WDR37: variants seen among roughly 807,000 people sequenced by gnomAD.
WDR37 encodes the protein WD repeat domain 37.
WDR37 carries 19 observed loss-of-function variants against 62.9 expected under a neutral mutation model. The observed-to-expected ratio is 0.30, with a 90% CI of 0.21 to 0.44. The LOEUF is 0.44. WDR37 is among the 20% of genes least tolerant of loss of function. The pLI is 1.00. For synonymous variants in WDR37, 250 were observed against 260.9 expected (o/e 0.96, Z 0.40); for missense variants, 474 against 657.6 (o/e 0.72, Z 3.05).
At chr10:1,124,144 C>T in intron 11 of WDR37, 74 bp from the exon 12 acceptor site, 1 of 1,591,976 alleles carries the variant, frequency 6.3e-7, no homozygotes, top group South Asian at 1.1e-5. Flanking sequence ...CCCACTTGGT[C>T]AGGGTTGTGT....
intron 11 of WDR37, among the ~76,000 whole-genome samples, chr10:1,107,250 C>CA (rs1835053609): frequency 5.3e-5 from 8 of 152,334 alleles, no homozygotes; most frequent in African/African-American, 1.9e-4. Context: ...GCAGAGGGGC[C>CA]CCACAGCAAA....
intron 13 of WDR37, among the ~76,000 whole-genome samples, chr10:1,125,939 A>G (rs889191265): frequency 2.0e-5 from 3 of 152,220 alleles, no homozygotes; most frequent in Non-Finnish European, 4.4e-5. Flanking sequence ...AAGAGAATCG[A>G]GACTCCATGG....
rs768364049 is a variant in WDR37 at position 1,105,069 on chromosome 10, G to A, written c.962-57G>A. The A allele has an allele frequency of 3.2e-5, 51 of 1,592,592 alleles. No individual in the cohort carries two copies. The highest frequency in any genetic ancestry group is 3.3e-4 in the Middle Eastern group (2 of 6,002). On this transcript the variant is annotated intron_variant, in intron 10 of 13. Transcript: ENST00000263150. The surrounding 1 kb of genome is among the most constrained non-coding windows in gnomAD (Gnocchi z 5.3). ...TTGGGTTCTTGTGCTGTTGAAAAGC[G>A]TCTCTCTCAGCGTGCTCCTCAGGTG...
At chr10:1,093,063 A>C (rs1042791948) in intron 7 of WDR37, among the ~76,000 whole-genome samples, 2 of 151,976 alleles carry the variant, frequency 1.3e-5, no homozygotes, top group African/African-American at 4.8e-5. Flanking sequence ...GCTGGGAAGG[A>C]AGGCGGATGG....
Position 1,095,022 on chromosome 10 carries a change from CAT to C in WDR37, c.650-1147_650-1146del, listed in dbSNP as rs1244642121. 1.1e-4 allele frequency among the ~76,000 whole-genome samples: 16 copies of C among 145,782 alleles called. 1 individual carries two copies. In the East Asian group the frequency reaches 3.1e-3, roughly 28 times the overall value. On this transcript the variant is annotated intron_variant, in intron 8 of 13. Coordinates refer to ENST00000263150, the MANE Select transcript of WDR37 (RefSeq NM_014023.4). The stretch of plus-strand genomic sequence containing the variant: ...TAGCGAGGAGGGTTAGACTGGGAAA[CAT>C]GAGGTAATGGGTATAGAGAGGAGAG...
intron 7 of WDR37, among the ~76,000 whole-genome samples, chr10:1,091,216 C>A (rs146037785): frequency 6.6e-6 from 1 of 152,222 alleles, no homozygotes; most frequent in Admixed American, 6.5e-5. Flanking sequence ...GGCCCAGCTT[C>A]GTTTGTGATT....
chr10:1,085,252 G>A (rs905865351), intron 6 of WDR37, among the ~76,000 whole-genome samples: 4 of 152,138 alleles, frequency 2.6e-5, no homozygotes, highest in South Asian at 2.1e-4. Flanking sequence ...GATTACAGGC[G>A]TGAGCCATCG....
chr10:1,114,496 A>G (rs1292884429), intron 11 of WDR37, among the ~76,000 whole-genome samples: 2 of 152,238 alleles, frequency 1.3e-5, no homozygotes, highest in African/African-American at 4.8e-5. Context: ...GGTAAAATTT[A>G]TCTTACTTAA....
At chr10:1,064,591 T>TTTTTC (rs1833480893) in intron 1 of WDR37, among the ~76,000 whole-genome samples, 2 of 75,140 alleles carry the variant, frequency 2.7e-5, no homozygotes, top group African/African-American at 5.0e-5. Context: ...ATCTTTTTTT[T>TTTTTC]TTTTTTTTTT....
intron 1 of WDR37, among the ~76,000 whole-genome samples, chr10:1,065,434 A>G (rs1428185390): frequency 4.6e-5 from 7 of 152,208 alleles, no homozygotes; most frequent in Non-Finnish European, 8.8e-5. Flanking sequence ...ATAAATATGA[A>G]ATTATAAAAA....
chr10:1,125,110 C>G, intron 13 of WDR37, 86 bp downstream of exon 13: 1 of 1,513,222 alleles, frequency 6.6e-7, no homozygotes, highest in Non-Finnish European at 8.9e-7. Context: ...CTTACTAAGT[C>G]TTTGCATGCT....
rs529708897 is a variant in WDR37 at position 1,131,062 on chromosome 10, C to G, written c.*1718C>G. On this transcript the variant is annotated 3_prime_UTR_variant, in exon 14 of 14. Transcript: ENST00000263150. ...GACATTATTTCCTGACTGCACTGTT[C>G]TGAGAATGGAGTCCACCTGGTCCCT... 6.6e-6 allele frequency: 1 copy of G among 152,384 alleles called. No individual in the cohort carries two copies. Among genetic ancestry groups the G allele is most frequent in the African/African-American group, 2.4e-5 (1 of 41,568 alleles). 9.4% of individuals were successfully genotyped at this position (152,384 alleles called of 1,614,324 possible).
intron 3 of WDR37, 23 bp downstream of exon 3, chr10:1,078,026 T>C (rs1429587238): frequency 6.5e-7 from 1 of 1,543,914 alleles, no homozygotes; most frequent in Non-Finnish European, 8.9e-7. Flanking sequence ...TATTTTAATA[T>C]ACTTTTATAG....
At chr10:1,107,629 T>G (rs1161114800) in intron 11 of WDR37, among the ~76,000 whole-genome samples, 1 of 151,874 alleles carries the variant, frequency 6.6e-6, no homozygotes, top group African/African-American at 2.4e-5. Flanking sequence ...CACCGCTGTC[T>G]CTTTACACAT....
At chr10:1,073,957 A>G (rs1833794433) in intron 2 of WDR37, among the ~76,000 whole-genome samples, 1 of 152,208 alleles carries the variant, frequency 6.6e-6, no homozygotes, top group Non-Finnish European at 1.5e-5. Context: ...AGCACTTAGG[A>G]GACAGCAGAG....
At chr10:1,126,149 T>G (rs1304205291) in intron 13 of WDR37, among the ~76,000 whole-genome samples, 2 of 152,034 alleles carry the variant, frequency 1.3e-5, no homozygotes, top group African/African-American at 4.8e-5. Flanking sequence ...CTGACGCCTG[T>G]AATCGTAGCA....
intron 7 of WDR37, among the ~76,000 whole-genome samples, chr10:1,092,443 C>G (rs1471638771): frequency 6.6e-6 from 1 of 151,382 alleles, no homozygotes; most frequent in Non-Finnish European, 1.5e-5. Flanking sequence ...GATCTTGGCT[C>G]ACTGCAAGCT....
chr10:1,073,458 A>G (rs1021804601), intron 2 of WDR37, among the ~76,000 whole-genome samples: 1 of 152,216 alleles, frequency 6.6e-6, no homozygotes, highest in Non-Finnish European at 1.5e-5. Context: ...TTTACCTCAA[A>G]TTAGATGATT....
chr10:1,113,212 G>A (rs1835271871), intron 11 of WDR37, among the ~76,000 whole-genome samples: 1 of 152,206 alleles, frequency 6.6e-6, no homozygotes, highest in South Asian at 2.1e-4. Context: ...TCTATAAATG[G>A]ATCACCAAAG....
Sources: gnomAD v4.1 joint callset for allele counts (sites outside exome capture counted in the v4.1 genomes callset) on GRCh38, gnomAD v4.1.1 for gene constraint, Gnocchi (gnomAD v3.1) non-coding constraint, MANE v1.5 for transcripts, NCBI Gene and HGNC (gene_info 2026-07-23, HGNC 2026-07-21) for gene names.